The following BANP variants were observed in gnomAD, a reference collection of about 807,000 sequenced individuals.
BANP encodes the protein BTG3 associated nuclear protein, also known as protein BANP.
BANP carries 11 observed loss-of-function variants against 68.1 expected under a neutral mutation model. The observed-to-expected ratio is 0.16, with a 90% confidence interval of 0.10 to 0.27. BANP has a LOEUF of 0.27. Among genes scored for constraint, BANP ranks in the 10% least tolerant of loss-of-function variants. BANP has a pLI of 1.00. For synonymous variants in BANP, 329 were observed against 303.2 expected, an observed-to-expected ratio of 1.09 and a Z score of -0.88; for missense variants, 504 against 722.7, an observed-to-expected ratio of 0.70 and a Z score of 3.47.
chr16:88,076,539 A>G (rs900855030), intron 13 of BANP, 51 bp from the exon 14 acceptor site: 8 of 1,531,492 alleles, frequency 5.2e-6, no homozygotes, highest in South Asian at 1.1e-5. Flanking sequence ...CCCCCTGGCC[A>G]TGCAGTGCTG....
In BANP at chr16:87,969,823, G is replaced by A. The variant is rs546871924; in HGVS notation, c.-68-5225G>A. The stretch of plus-strand genomic sequence containing the variant: ...CTGGATTACAGGCATGAGCCACCAC[G>A]CCTGGCCTGACTATCTTTACATAAC... On this transcript the variant is annotated intron_variant, in intron 1 of 13. Coordinates refer to ENST00000682872, the MANE Select transcript of BANP (RefSeq NM_001386991.1). Among the ~76,000 whole-genome samples, 196 of 151,906 alleles carry A rather than the reference G, an allele frequency of 1.3e-3. 1 individual carries two copies. Among genetic ancestry groups the A allele is most frequent in the African/African-American group, 4.6e-3 (191 of 41,430 alleles).
At chr16:88,038,456 A>G (rs905784350) in intron 11 of BANP, among the ~76,000 whole-genome samples, 1 of 152,018 alleles carries the variant, frequency 6.6e-6, no homozygotes, top group Non-Finnish European at 1.5e-5. Flanking sequence ...TATGGCGGAA[A>G]CGTGCCCTCC....
intron 1 of BANP, among the ~76,000 whole-genome samples, chr16:87,973,767 A>AG (rs2061540688): frequency 6.1e-5 from 9 of 148,276 alleles, no homozygotes; most frequent in South Asian, 2.1e-4. Flanking sequence ...AAAAAAAAAA[A>AG]AAAAAAAGAA....
intron 6 of BANP, among the ~76,000 whole-genome samples, chr16:88,014,995 C>T (rs1567754724): frequency 5.3e-5 from 8 of 151,444 alleles, no homozygotes; most frequent in South Asian, 2.1e-4. Flanking sequence ...CAGCTGCTTG[C>T]CCTCTCTGCC....
chr16:88,042,352 C>T (rs1269896707), intron 11 of BANP, among the ~76,000 whole-genome samples: 1 of 152,218 alleles, frequency 6.6e-6, no homozygotes, highest in Non-Finnish European at 1.5e-5. Context: ...CCAGCTTCCT[C>T]CTCCCCGAGC....
chr16:88,073,534 A>C (rs2090906457), intron 13 of BANP, among the ~76,000 whole-genome samples: 1 of 149,356 alleles, frequency 6.7e-6, no homozygotes, highest in Admixed American at 6.7e-5. Context: ...ATGGGCGCAG[A>C]ACGCACAGGC....
intron 4 of BANP, among the ~76,000 whole-genome samples, chr16:87,997,494 A>C (rs1288299394): frequency 6.6e-6 from 1 of 152,276 alleles, no homozygotes; most frequent in Non-Finnish European, 1.5e-5. Context: ...TGGGTAAAAT[A>C]GCCAGGATGG....
In BANP at chr16:88,002,337, G is replaced by A. The variant is rs377429694; in HGVS notation, c.363-1958G>A. Among the ~76,000 whole-genome samples, 79 of 152,228 alleles carry A rather than the reference G, an allele frequency of 5.2e-4. 1 individual carries two copies. In the South Asian group the frequency reaches 0.012, roughly 23 times the overall value. On this transcript the variant is annotated intron_variant, in intron 4 of 13. Transcript: ENST00000682872. The surrounding 1 kb of genome is among the most constrained non-coding windows in gnomAD (Gnocchi z 4.6). ...TGAAAGCAAAGATTGCAACCCAGCT[G>A]ACTTACCAAGGGCTTTCTAGTCAGC...
intron 11 of BANP, among the ~76,000 whole-genome samples, chr16:88,063,907 C>T (rs2087654125): frequency 6.6e-6 from 1 of 152,180 alleles, no homozygotes; most frequent in African/African-American, 2.4e-5. Flanking sequence ...AAAATGTTCT[C>T]AACTGGGAAT....
chr16:88,005,991 CCA>C (rs2152563351), intron 5 of BANP, 97 bp from the exon 6 acceptor site: 9 of 1,406,990 alleles, frequency 6.4e-6, no homozygotes, highest in Non-Finnish European at 9.0e-6. Context: ...ATCCACTGGT[CCA>C]CACAGAGTTA....
At chr16:88,054,242 C>G (rs565144421) in intron 11 of BANP, among the ~76,000 whole-genome samples, 1 of 119,640 alleles carries the variant, frequency 8.4e-6, no homozygotes, top group South Asian at 2.5e-4. Context: ...ATCACCATCA[C>G]CAACACAGTC....
At chr16:88,032,962 G>A in intron 8 of BANP, 147 bp from the exon 9 acceptor site, 1 of 899,854 alleles carries the variant, frequency 1.1e-6, no homozygotes, top group Non-Finnish European at 1.6e-6. Context: ...GCAGAAGAGT[G>A]GAGATGCAGT....
At chr16:88,072,464 C>T (rs550591358) in intron 13 of BANP, among the ~76,000 whole-genome samples, 1 of 152,366 alleles carries the variant, frequency 6.6e-6, no homozygotes, top group East Asian at 1.9e-4. Flanking sequence ...TTTGTAAATT[C>T]AGGGGCAGAA....
chr16:88,049,749 A>G (rs2082822033), intron 11 of BANP, among the ~76,000 whole-genome samples: 1 of 151,960 alleles, frequency 6.6e-6, no homozygotes, highest in Non-Finnish European at 1.5e-5. Flanking sequence ...AGATGGCTGG[A>G]CTCAGGCACT....
At chr16:87,994,393 C>T (rs1300637986) in intron 4 of BANP, among the ~76,000 whole-genome samples, 1 of 152,246 alleles carries the variant, frequency 6.6e-6, no homozygotes, top group Non-Finnish European at 1.5e-5. Context: ...TTGGGGAGAG[C>T]AGCGTGAGGA....
At chr16:87,959,489 G>A (rs572068524) in intron 1 of BANP, among the ~76,000 whole-genome samples, 10 of 152,318 alleles carry the variant, frequency 6.6e-5, no homozygotes, top group African/African-American at 2.4e-4. Context: ...GAGGAGCTGA[G>A]GTGTGAGGCT....
chr16:88,023,281 G>T (rs150195778), intron 7 of BANP, among the ~76,000 whole-genome samples: 1 of 152,220 alleles, frequency 6.6e-6, no homozygotes, highest in Non-Finnish European at 1.5e-5. Context: ...GCTGTGAGGG[G>T]CTCTCTGGCT....
chr16:88,005,254 A>T (rs1249042419), intron 5 of BANP, among the ~76,000 whole-genome samples: 1 of 152,190 alleles, frequency 6.6e-6, no homozygotes, highest in Non-Finnish European at 1.5e-5. Context: ...AGCCAGGCAG[A>T]TGGCCAGTGT....
intron 7 of BANP, 47 bp from the exon 8 acceptor site, chr16:88,027,436 C>T (rs1457647380): frequency 6.2e-7 from 1 of 1,606,644 alleles, no homozygotes; most frequent in Non-Finnish European, 8.5e-7. Context: ...CTCCTGGTGG[C>T]TGTCCCGAAC....
Sources: gnomAD v4.1 joint callset for allele counts (sites outside exome capture counted in the v4.1 genomes callset) on GRCh38, gnomAD v4.1.1 for gene constraint, Gnocchi (gnomAD v3.1) non-coding constraint, MANE v1.5 for transcripts, NCBI Gene and HGNC (gene_info 2026-07-23, HGNC 2026-07-21) for gene names.